Variants in FCSK observed in about 807,000 individuals in gnomAD.
FCSK encodes L-fucose kinase.
FCSK carries 123 observed loss-of-function variants against 122.5 expected under a neutral mutation model. The ratio of observed to expected loss-of-function variants is 1.00; its 90% CI spans 0.87 to 1.17. FCSK has a LOEUF of 1.17. Among genes scored for constraint, FCSK ranks in the 50% most tolerant of loss-of-function variants. The pLI is 0.00. For missense variants in FCSK, 1,366 were observed against 1,450.4 expected (o/e 0.94, Z 0.95); for synonymous variants, 620 against 625.5 (o/e 0.99, Z 0.13).
At chr16:70,455,244 A>T (rs559460977) in intron 1 of FCSK, among the ~76,000 whole-genome samples, 1 of 152,160 alleles carries the variant, frequency 6.6e-6, no homozygotes, top group Admixed American at 6.5e-5. Context: ...TGGCTCCCCA[A>T]CCCTATCCCA....
rs1374798068 is a variant in FCSK at position 70,466,971 on chromosome 16, C to G, written c.484+17C>G. 42 of 1,610,844 alleles carry G rather than the reference C, an allele frequency of 2.6e-5. No individual in the cohort carries two copies. The highest frequency in any genetic ancestry group is 3.6e-5 in the Non-Finnish European group (42 of 1,178,052). ...CAAATCCTGGTGAGCCTGAGACTAC[C>G]TGGGACTGCCTTCCTTCGTCACAGC... On this transcript the variant is annotated intron_variant, in intron 6 of 23. Coordinates refer to ENST00000288078, the MANE Select transcript of FCSK (RefSeq NM_145059.3).
rs191584529 is a variant in FCSK, at chr16:70,466,648, G to A, written c.412-234G>A. On this transcript the variant is annotated intron_variant, in intron 5 of 23. Coordinates refer to ENST00000288078, the MANE Select transcript of FCSK (RefSeq NM_145059.3). ...GGAGTTTGAGGCTGCAGTGAGCTAC[G>A]ATCGCACTACTGCACTCCAGCCTGG... The A allele has an allele frequency of 2.2e-5, 12 of 557,060 alleles. No individual in the cohort carries two copies. In the East Asian group the frequency reaches 2.4e-4, roughly 11 times the overall value. The allele number at this position is 557,060 out of a possible 1,614,324, so 34.5% of individuals were successfully genotyped here. A position where few individuals can be genotyped will look rare whatever the true frequency, so the allele number is the denominator to read the frequency against.
In FCSK at chr16:70,472,451, G is replaced by A. The variant is rs1282937211; in HGVS notation, c.1342-90G>A. On this transcript the variant is annotated intron_variant, in intron 13 of 23. Transcript: ENST00000288078. ...TGTCTGTCTTCCTGCCCTCATGTGA[G>A]CACTTGAGCAGCTCCTGGCCCCCTG... The A allele has an allele frequency of 7.2e-6, 7 of 974,276 alleles. No homozygotes were observed. The Admixed American group carries it at 9.5e-5, about 13-fold the overall frequency. The allele number at this position is 974,276 out of a possible 1,614,324, so 60.4% of individuals were successfully genotyped here. A position where few individuals can be genotyped will look rare whatever the true frequency, so the allele number is the denominator to read the frequency against.
intron 1 of FCSK, among the ~76,000 whole-genome samples, chr16:70,456,795 C>T (rs998249438): frequency 1.3e-5 from 2 of 152,108 alleles, no homozygotes; most frequent in Admixed American, 6.6e-5. Flanking sequence ...CCGAGGCAGG[C>T]GGATCCCAAG....
chr16:70,467,537 C>G, intron 7 of FCSK, 66 bp downstream of exon 7: 1 of 1,223,526 alleles, frequency 8.2e-7, no homozygotes, highest in East Asian at 2.6e-5. Context: ...GCAGCCTCCT[C>G]CCTGTCAGTG....
intron 8 of FCSK, among the ~76,000 whole-genome samples, chr16:70,468,484 C>T (rs1299846300): frequency 6.6e-6 from 1 of 152,130 alleles, no homozygotes; most frequent in African/African-American, 2.4e-5. Context: ...AAAAGAAAGC[C>T]TAGAACCAGA....
At chr16:70,469,345 C>A (rs1306829415) in intron 10 of FCSK, 22 bp downstream of exon 10, 2 of 1,564,426 alleles carry the variant, frequency 1.3e-6, no homozygotes, top group East Asian at 4.5e-5. Context: ...CTCTCAGCTC[C>A]CTGGGGTGGG....
chr16:70,463,145 C>T, intron 1 of FCSK, 24 bp from the exon 2 acceptor site: 2 of 1,349,534 alleles, frequency 1.5e-6, no homozygotes, highest in Non-Finnish European at 2.1e-6. Flanking sequence ...AAAATAGTCA[C>T]ATCTACCCAT....
chr16:70,465,092 G>A, intron 3 of FCSK, 34 bp from the exon 4 acceptor site: 2 of 1,612,490 alleles, frequency 1.2e-6, no homozygotes, highest in East Asian at 2.2e-5. Flanking sequence ...GTCTGCCTGA[G>A]GCCTCTGTTC....
chr16:70,471,427 C>T, intron 13 of FCSK, 75 bp downstream of exon 13: 1 of 1,426,502 alleles, frequency 7.0e-7, no homozygotes, highest in Non-Finnish European at 9.4e-7. Flanking sequence ...GCCCCCACCC[C>T]ACTGCGGGGT....
chr16:70,463,441 T>G (rs560405578), intron 2 of FCSK, among the ~76,000 whole-genome samples, 169 bp downstream of exon 2: 1 of 152,274 alleles, frequency 6.6e-6, no homozygotes, highest in East Asian at 1.9e-4. Flanking sequence ...GCCTTAGTTT[T>G]CTCATCTGTA....
At chr16:70,457,118 G>T (rs189920662) in intron 1 of FCSK, among the ~76,000 whole-genome samples, 15 of 152,222 alleles carry the variant, frequency 9.9e-5, no homozygotes, top group South Asian at 6.2e-4. Context: ...ACGCAACCCA[G>T]GACTGTTCCT....
At chr16:70,457,564 G>GTTTCTTTC (rs146101067) in intron 1 of FCSK, among the ~76,000 whole-genome samples, 2 of 151,414 alleles carry the variant, frequency 1.3e-5, no homozygotes, top group African/African-American at 4.9e-5. Flanking sequence ...CATTTCAAGG[G>GTTTCTTTC]TTTCTTTCTT....
chr16:70,461,802 G>A (rs2048274476), intron 1 of FCSK, among the ~76,000 whole-genome samples: 2 of 152,198 alleles, frequency 1.3e-5, no homozygotes, highest in Non-Finnish European at 2.9e-5. Flanking sequence ...ACTCCCTGGG[G>A]AAATCACACC....
intron 11 of FCSK, 32 bp downstream of exon 11, chr16:70,470,458 G>C: frequency 7.5e-7 from 1 of 1,341,750 alleles, no homozygotes; most frequent in Non-Finnish European, 1.1e-6. Flanking sequence ...GGTGCCTGCT[G>C]GTTGTCTGGG....
rs760605356 is a variant in FCSK, at chr16:70,472,994, T to A, written c.1418T>A (p.Leu473Gln). 1.4e-5 allele frequency: 23 copies of A among 1,602,372 alleles called. No homozygotes were observed. The highest frequency in any genetic ancestry group is 1.9e-5 in the Non-Finnish European group (22 of 1,175,118). Residue 473 changes from leucine (L) to glutamine (Q), a missense_variant, in exon 15 of 24, where the codon CTG becomes CAG. Leu to Gln is a moderately radical substitution (Grantham distance 113). Transcript: ENST00000288078. ...FKRTGVRAWD[L>Q]WDPETLPAEY... ...TCTCCCCACATCAGAGCCTGGGACCTGTGGGACCCTGAGACGCTGCCCGCA... is the reference window on the plus strand; with the variant it reads ...TCTCCCCACATCAGAGCCTGGGACCAGTGGGACCCTGAGACGCTGCCCGCA...
In FCSK at chr16:70,473,260, C is replaced by G; in HGVS notation, c.1684C>G (p.Leu562Val). 3 of 1,531,964 alleles carry G rather than the reference C, an allele frequency of 2.0e-6. No homozygotes were observed. The highest frequency in any genetic ancestry group is 2.6e-6 in the Non-Finnish European group (3 of 1,143,110). The allele number at this position is 1,531,964 out of a possible 1,614,324, so 94.9% of individuals were successfully genotyped here. ...RQALHKARHVLEARQDLSLRP... is the reference protein window; with the variant it reads ...RQALHKARHVVEARQDLSLRP... ...GGCCCTGCATAAGGCGCGGCACGTGCTGGAGGCCCGGCAGGACCTCAGCCT... is the reference window on the plus strand; with the variant it reads ...GGCCCTGCATAAGGCGCGGCACGTGGTGGAGGCCCGGCAGGACCTCAGCCT... The change falls in exon 15 of 24, where the codon CTG (leucine) becomes GTG (valine). Residue 562 changes from leucine (L) to valine (V), a missense_variant. Leu to Val is a conservative substitution (Grantham distance 32, BLOSUM62 1). Coordinates refer to ENST00000288078, the MANE Select transcript of FCSK (RefSeq NM_145059.3). The surrounding 1 kb of genome is among the most constrained non-coding windows in gnomAD (Gnocchi z 4.9).
At chr16:70,474,723 G>A in intron 17 of FCSK, 29 bp downstream of exon 17, 2 of 1,575,860 alleles carry the variant, frequency 1.3e-6, no homozygotes, top group Non-Finnish European at 1.7e-6. Flanking sequence ...GTGGGGTTGA[G>A]GGTAGCTGCC....
At chr16:70,464,982 C>G in intron 3 of FCSK, 144 bp from the exon 4 acceptor site, 1 of 1,540,598 alleles carries the variant, frequency 6.5e-7, no homozygotes, top group Non-Finnish European at 8.8e-7. Context: ...CCCTTGTCTG[C>G]CTGTGGCCAT....
Sources: gnomAD v4.1 joint callset for allele counts (sites outside exome capture counted in the v4.1 genomes callset) on GRCh38, gnomAD v4.1.1 for gene constraint, Gnocchi (gnomAD v3.1) non-coding constraint, MANE v1.5 for transcripts, NCBI Gene and HGNC (gene_info 2026-07-23, HGNC 2026-07-21) for gene names.